GYPC: variants seen among roughly 807,000 people sequenced by gnomAD.
GYPC encodes the protein glycophorin C (Gerbich blood group).
A neutral mutation model predicts 12.6 loss-of-function variants in GYPC; 14 were observed. The observed-to-expected ratio is 1.11, with a 90% CI of 0.74 to 1.74. The LOEUF is 1.74. Ranked by LOEUF, GYPC falls within the 40% of genes most tolerant of loss-of-function variation. GYPC has a pLI of 0.00. For synonymous variants in GYPC, 78 were observed against 62.1 expected (o/e 1.26, Z -1.20); for missense variants, 225 against 172.1 (o/e 1.31, Z -1.72).
chr2:126,674,301 G>A lies in GYPC; in HGVS notation c.50-15954G>A, dbSNP rs141207511. Among the ~76,000 whole-genome samples the A allele has an allele frequency of 2.8e-4, 43 of 152,298 alleles. No individual in the cohort carries two copies. In the East Asian group the frequency reaches 5.0e-3, roughly 18 times the overall value. ...TTGATAAAATGGGCTTGGGCCAGCC[G>A]CTCACCAGCTTCTCCCTCAGACCCA... On this transcript the variant is annotated intron_variant, in intron 1 of 3. Transcript: ENST00000259254.
intron 1 of GYPC, among the ~76,000 whole-genome samples, chr2:126,687,330 C>A (rs942431514): frequency 6.6e-6 from 1 of 152,228 alleles, no homozygotes; most frequent in African/African-American, 2.4e-5. Context: ...TCAGAATCTA[C>A]TATAGTAATT....
chr2:126,667,952 G>A (rs1163045913), intron 1 of GYPC, among the ~76,000 whole-genome samples: 3 of 152,212 alleles, frequency 2.0e-5, no homozygotes, highest in Admixed American at 1.3e-4. Context: ...TAGTAAGGAA[G>A]GGGAGATCCA....
At chr2:126,663,590 G>A (rs932535211) in intron 1 of GYPC, among the ~76,000 whole-genome samples, 2 of 152,228 alleles carry the variant, frequency 1.3e-5, no homozygotes, top group Non-Finnish European at 2.9e-5. Flanking sequence ...TGAAAGCACC[G>A]TATGAGTGAA....
intron 3 of GYPC, 91 bp downstream of exon 3, chr2:126,694,038 G>C: frequency 1.1e-6 from 1 of 876,814 alleles, no homozygotes; most frequent in South Asian, 1.3e-5. Flanking sequence ...GACTTGGGCA[G>C]TGGTGGCTGT....
chr2:126,691,498 C>G (rs56209724), intron 2 of GYPC, among the ~76,000 whole-genome samples: 11 of 152,260 alleles, frequency 7.2e-5, no homozygotes, highest in African/African-American at 2.4e-4. Flanking sequence ...AGTCCTCAAT[C>G]GCCAGGAGGG....
intron 1 of GYPC, among the ~76,000 whole-genome samples, chr2:126,688,013 C>T (rs1041948255): frequency 2.6e-5 from 4 of 152,146 alleles, no homozygotes; most frequent in African/African-American, 9.7e-5. Flanking sequence ...AGGTACAAGC[C>T]GGGGAAAATA....
At chr2:126,682,674 GC>G (rs767487185) in intron 1 of GYPC, among the ~76,000 whole-genome samples, 7 of 152,232 alleles carry the variant, frequency 4.6e-5, no homozygotes, top group African/African-American at 7.2e-5. Context: ...GGGCTGCCCT[GC>G]TAGTGTGCTG....
In GYPC at chr2:126,692,493, T is replaced by G. The variant is rs555994417; in HGVS notation, c.107-1371T>G. On this transcript the variant is annotated intron_variant, in intron 2 of 3. Coordinates refer to ENST00000259254, the MANE Select transcript of GYPC (RefSeq NM_002101.5). ...TGATTATCTGAGTGGAAATGACTAT[T>G]ATGAAGCATCCTTCTCTGTTTTATT... 1.5e-3 allele frequency among the ~76,000 whole-genome samples: 227 copies of G among 152,284 alleles called. 1 individual carries two copies. Among genetic ancestry groups the G allele is most frequent in the Non-Finnish European group, 2.6e-3 (178 of 68,030 alleles).
At chr2:126,663,394 G>A (rs1397478761) in intron 1 of GYPC, among the ~76,000 whole-genome samples, 5 of 152,158 alleles carry the variant, frequency 3.3e-5, no homozygotes, top group African/African-American at 4.8e-5. Flanking sequence ...GAAAACACAC[G>A]CAGGCCCTGC....
chr2:126,685,687 A>C, intron 1 of GYPC: 1 of 698,946 alleles, frequency 1.4e-6, no homozygotes, highest in Non-Finnish European at 1.8e-6. Flanking sequence ...CCGGCCTGGT[A>C]AATTGACTTT....
At chr2:126,672,196 T>C (rs1682872407) in intron 1 of GYPC, among the ~76,000 whole-genome samples, 1 of 152,160 alleles carries the variant, frequency 6.6e-6, no homozygotes, top group Non-Finnish European at 1.5e-5. Context: ...CTCTAAGTCT[T>C]GGAGCCTTCA....
intron 1 of GYPC, chr2:126,685,970 C>T (rs909175832): frequency 1.0e-6 from 1 of 985,244 alleles, no homozygotes; most frequent in African/African-American, 1.7e-5. Context: ...AGCCCTCACC[C>T]TGTGCCTGAA....
At chr2:126,672,543 C>T (rs576005143) in intron 1 of GYPC, among the ~76,000 whole-genome samples, 3 of 152,154 alleles carry the variant, frequency 2.0e-5, no homozygotes, top group Non-Finnish European at 4.4e-5. Flanking sequence ...GTCCCCTGTC[C>T]CCTCAGCACC....
rs575142822 is a variant in GYPC at position 126,696,282 on chromosome 2, A to C, written c.*140A>C. On this transcript the variant is annotated 3_prime_UTR_variant, in exon 4 of 4. Coordinates refer to ENST00000259254, the MANE Select transcript of GYPC (RefSeq NM_002101.5). ...CTTCCCGAGATAGCCACCTGGAAACACTAGGTGCCTGCCCAGGGAGGAACG... is the reference window on the plus strand; with the variant it reads ...CTTCCCGAGATAGCCACCTGGAAACCCTAGGTGCCTGCCCAGGGAGGAACG... 1 of 731,800 alleles carries C rather than the reference A, an allele frequency of 1.4e-6. No individual in the cohort carries two copies. The highest frequency in any genetic ancestry group is 2.7e-5 in the East Asian group (1 of 36,962). The allele number at this position is 731,800 out of a possible 1,614,324, so 45.3% of individuals were successfully genotyped here.
At chr2:126,692,113 C>G (rs1683486652) in intron 2 of GYPC, among the ~76,000 whole-genome samples, 1 of 152,104 alleles carries the variant, frequency 6.6e-6, no homozygotes, top group East Asian at 1.9e-4. Context: ...AGTCTAGCAC[C>G]CACTTGAACT....
chr2:126,662,016 C>T (rs888961878), intron 1 of GYPC, among the ~76,000 whole-genome samples: 4 of 152,232 alleles, frequency 2.6e-5, no homozygotes, highest in African/African-American at 9.6e-5. Flanking sequence ...GCGCCTCACA[C>T]CCGCTGCTCC....
At chr2:126,674,533 G>A (rs539535211) in intron 1 of GYPC, among the ~76,000 whole-genome samples, 2 of 152,340 alleles carry the variant, frequency 1.3e-5, no homozygotes, top group African/African-American at 4.8e-5. Flanking sequence ...TGAATGTGGT[G>A]GTGGGAGCTG....
chr2:126,657,396 T>C (rs938877002), intron 1 of GYPC, among the ~76,000 whole-genome samples: 5 of 152,176 alleles, frequency 3.3e-5, no homozygotes, highest in African/African-American at 1.2e-4. Context: ...CTCTCTTAGC[T>C]CCAGTTTCCT....
chr2:126,673,114 G>A (rs112846622), intron 1 of GYPC, among the ~76,000 whole-genome samples: 2 of 152,128 alleles, frequency 1.3e-5, no homozygotes, highest in South Asian at 2.1e-4. Flanking sequence ...TGTGATGAAC[G>A]GTCCAGGGAG....
Sources: allele counts gnomAD v4.1 joint callset (sites outside exome capture counted in the v4.1 genomes callset), GRCh38; gene constraint gnomAD v4.1.1; transcripts MANE v1.5; gene names NCBI Gene and HGNC (gene_info 2026-07-23, HGNC 2026-07-21).